Variants in TBCK observed in about 807,000 individuals in gnomAD.
TBCK encodes TBC1 domain containing kinase.
TBCK carries 99 observed loss-of-function variants against 113.4 expected under a neutral mutation model. The observed-to-expected ratio is 0.87, with a 90% CI of 0.74 to 1.03. The LOEUF is 1.03. TBCK is among the 50% of genes least tolerant of loss of function. TBCK has a pLI of 0.00. For missense variants in TBCK, 1,045 were observed against 1,061.3 expected (o/e 0.98, Z 0.21); for synonymous variants, 369 against 370.8 (o/e 1.00, Z 0.05).
At chr4:106,074,858 C>T (rs1165261022) in intron 25 of TBCK, among the ~76,000 whole-genome samples, 1 of 152,154 alleles carries the variant, frequency 6.6e-6, no homozygotes, top group Non-Finnish European at 1.5e-5. Context: ...AAGTGTTACC[C>T]TTCAACAGAG....
chr4:106,203,856 T>C (rs1755160667), intron 20 of TBCK, among the ~76,000 whole-genome samples: 1 of 152,144 alleles, frequency 6.6e-6, no homozygotes, highest in African/African-American at 2.4e-5. Context: ...TTTGTTGAGA[T>C]AGAGAAGTAC....
intron 25 of TBCK, among the ~76,000 whole-genome samples, chr4:106,061,031 C>T (rs753985239): frequency 1.4e-5 from 2 of 143,308 alleles, no homozygotes; most frequent in African/African-American, 5.2e-5. Context: ...GGAGTTGCTT[C>T]TTATGAATGT....
Position 106,073,213 on chromosome 4 carries a change from G to A in TBCK, c.2571+22269C>T, listed in dbSNP as rs548007822. ...TTAGAATTTTCAGCTTTTCTGCTCT[G>A]GTTTCTCCCTATCTTTGTGGTTTTA... On this transcript the variant is annotated intron_variant, in intron 25 of 25. Coordinates refer to ENST00000394708, the MANE Select transcript of TBCK (RefSeq NM_001163435.3). 2.0e-5 allele frequency among the ~76,000 whole-genome samples: 3 copies of A among 152,284 alleles called. No individual in the cohort carries two copies. In the East Asian group the frequency reaches 5.8e-4, roughly 29 times the overall value.
At chr4:106,118,850 T>C (rs911676966) in intron 23 of TBCK, among the ~76,000 whole-genome samples, 3 of 152,186 alleles carry the variant, frequency 2.0e-5, no homozygotes, top group Non-Finnish European at 4.4e-5. Flanking sequence ...GGAAAGAGTA[T>C]TGCTATATGA....
intron 23 of TBCK, among the ~76,000 whole-genome samples, chr4:106,131,698 G>A (rs555189614): frequency 6.6e-6 from 1 of 152,332 alleles, no homozygotes; most frequent in African/African-American, 2.4e-5. Flanking sequence ...GTGGAAGCAA[G>A]TTTGGAACTG....
intron 25 of TBCK, among the ~76,000 whole-genome samples, chr4:106,061,454 T>TTA (rs55846243): frequency 6.6e-6 from 1 of 150,658 alleles, no homozygotes; most frequent in African/African-American, 2.4e-5. Context: ...TTTTTTTTTT[T>TTA]AGCAATAAAG....
chr4:106,247,109 A>G, intron 10 of TBCK, 30 bp downstream of exon 10: 2 of 1,596,584 alleles, frequency 1.3e-6, no homozygotes, highest in Non-Finnish European at 1.7e-6. Flanking sequence ...CAAGGCTCAT[A>G]TTATTCTCTA....
Position 106,116,396 on chromosome 4 carries a change from C to CAA in TBCK, c.2236-20_2236-19dup. ...TCTCTTGACTGAAAAAAAAAATGTA[C>CAA]AAAAAAAAATATTGAGAATATTATA... On this transcript the variant is annotated intron_variant, in intron 23 of 25. Coordinates refer to ENST00000394708, the MANE Select transcript of TBCK (RefSeq NM_001163435.3). The CAA allele has an allele frequency of 1.3e-6, 2 of 1,549,222 alleles. No homozygotes were observed. Among genetic ancestry groups the CAA allele is most frequent in the Non-Finnish European group, 1.8e-6 (2 of 1,140,756 alleles).
intron 25 of TBCK, among the ~76,000 whole-genome samples, chr4:106,077,601 A>T (rs1026196673): frequency 3.3e-5 from 5 of 152,256 alleles, no homozygotes; most frequent in African/African-American, 9.6e-5. Flanking sequence ...CAATCCATCA[A>T]GAAGACTTAA....
At chr4:106,078,427 C>T (rs1032804654) in intron 25 of TBCK, among the ~76,000 whole-genome samples, 8 of 151,970 alleles carry the variant, frequency 5.3e-5, no homozygotes, top group Non-Finnish European at 1.5e-5. Context: ...TCCAAATAAA[C>T]CCAATCTGAA....
intron 24 of TBCK, among the ~76,000 whole-genome samples, chr4:106,107,659 C>A (rs1742326338): frequency 6.6e-6 from 1 of 152,098 alleles, no homozygotes; most frequent in South Asian, 2.1e-4. Flanking sequence ...TACAATATCA[C>A]CAAATGTCCA....
rs181824241 is a variant in TBCK at position 106,049,889 on chromosome 4, G to T, written c.2572-3209C>A. 5.3e-5 allele frequency among the ~76,000 whole-genome samples: 8 copies of T among 152,096 alleles called. No individual in the cohort carries two copies. The East Asian group carries it at 1.5e-3, about 29-fold the overall frequency. ...TCTCTGACATCAGTTGTTTTTAAAA[G>T]GCTCCCCCTTTCCCAGGTGATTCTA... On this transcript the variant is annotated intron_variant, in intron 25 of 25. Transcript: ENST00000394708.
intron 23 of TBCK, among the ~76,000 whole-genome samples, chr4:106,119,909 T>C (rs1744040632): frequency 6.6e-6 from 1 of 151,662 alleles, no homozygotes; most frequent in South Asian, 2.1e-4. Flanking sequence ...AAAAAAATGG[T>C]CAACACCACT....
intron 19 of TBCK, among the ~76,000 whole-genome samples, chr4:106,227,349 T>C (rs2149975260): frequency 6.6e-6 from 1 of 152,200 alleles, no homozygotes; most frequent in South Asian, 2.1e-4. Flanking sequence ...AGGTACATGA[T>C]GCTGAAAAAA....
At chr4:106,219,666 T>G (rs1579291717) in intron 19 of TBCK, among the ~76,000 whole-genome samples, 1 of 152,054 alleles carries the variant, frequency 6.6e-6, no homozygotes, top group Non-Finnish European at 1.5e-5. Flanking sequence ...TTTTTACTAA[T>G]TAAAAAACCA....
At chr4:106,075,519 C>T (rs982771300) in intron 25 of TBCK, among the ~76,000 whole-genome samples, 1 of 152,140 alleles carries the variant, frequency 6.6e-6, no homozygotes, top group Admixed American at 6.6e-5. Context: ...AGTCATGCTT[C>T]GAGATTGCCT....
At chr4:106,268,612 T>A (rs1485768399) in intron 3 of TBCK, among the ~76,000 whole-genome samples, 1 of 152,018 alleles carries the variant, frequency 6.6e-6, no homozygotes, top group East Asian at 1.9e-4. Context: ...ACAAAAAAAA[T>A]TCATTTGCTG....
chr4:106,093,950 A>G (rs1361162645), intron 25 of TBCK, among the ~76,000 whole-genome samples: 1 of 152,192 alleles, frequency 6.6e-6, no homozygotes, highest in African/African-American at 2.4e-5. Flanking sequence ...GTTGTAACAA[A>G]TGTACCACTC....
intron 20 of TBCK, among the ~76,000 whole-genome samples, chr4:106,197,625 G>T (rs1050462664): frequency 6.6e-6 from 1 of 151,800 alleles, no homozygotes; most frequent in Admixed American, 6.6e-5. Context: ...CATTGCTTTA[G>T]TAATGGAGGA....
Sources: gnomAD v4.1 joint callset for allele counts (sites outside exome capture counted in the v4.1 genomes callset) on GRCh38, gnomAD v4.1.1 for gene constraint, MANE v1.5 for transcripts, NCBI Gene and HGNC (gene_info 2026-07-23, HGNC 2026-07-21) for gene names.